Variants in IHO1 observed in about 807,000 individuals in gnomAD.
IHO1 encodes the protein interactor of HORMAD1 1, also known as interactor of HORMAD1 protein 1.
Under a neutral mutation model 31.0 loss-of-function variants are expected in IHO1, and 13 were observed. The observed-to-expected ratio is 0.42, with a 90% CI of 0.27 to 0.67. The LOEUF (loss-of-function observed/expected upper bound fraction) is 0.67, where lower values mean the gene tolerates loss of function less well. Ranked by LOEUF, IHO1 falls within the 30% of genes least tolerant of loss-of-function variation. The pLI, the probability that IHO1 is intolerant of heterozygous loss-of-function variation, is 0.24. For missense variants in IHO1, 599 were observed against 687.5 expected, an observed-to-expected ratio of 0.87 and a Z score of 1.44; for synonymous variants, 221 against 248.4, an observed-to-expected ratio of 0.89 and a Z score of 1.04.
chr3:49,212,952 A>G (rs1559439091), intron 2 of IHO1, among the ~76,000 whole-genome samples: 1 of 152,106 alleles, frequency 6.6e-6, no homozygotes, highest in Non-Finnish European at 1.5e-5. Flanking sequence ...TGATTGGTCC[A>G]TTTTACAGAG....
chr3:49,209,759 G>T (rs1404115934), intron 1 of IHO1, among the ~76,000 whole-genome samples: 1 of 151,350 alleles, frequency 6.6e-6, no homozygotes, highest in African/African-American at 2.4e-5. Context: ...CTGTCGCCCA[G>T]GCTGGAGTGC....
At chr3:49,229,576 G>A (rs2046458018) in intron 2 of IHO1, among the ~76,000 whole-genome samples, 1 of 152,216 alleles carries the variant, frequency 6.6e-6, no homozygotes, top group Non-Finnish European at 1.5e-5. Flanking sequence ...ATAAGGCAAA[G>A]CAGCTTATTG....
In IHO1 at chr3:49,247,139, G is replaced by T. The variant is rs1049155856; in HGVS notation, c.532+2406G>T. Among the ~76,000 whole-genome samples the T allele has an allele frequency of 4.6e-5, 7 of 150,976 alleles. No individual in the cohort carries two copies. The South Asian group carries it at 1.5e-3, about 32-fold the overall frequency. Reference sequence around the variant, plus strand: ...GCTGGGATTACAGGCGTGAGCTACCGCGCCTGGCAGGTTCCTTAATTTTCA... The same window carrying T: ...GCTGGGATTACAGGCGTGAGCTACCTCGCCTGGCAGGTTCCTTAATTTTCA... On this transcript the variant is annotated intron_variant, in intron 6 of 7. Transcript: ENST00000452691.
At chr3:49,196,551 C>T (rs563627578), upstream of IHO1, among the ~76,000 whole-genome samples, 4 of 151,650 alleles carry the variant, frequency 2.6e-5, no homozygotes, top group South Asian at 2.1e-4. Context: ...GGCATGACCT[C>T]GGCTCACTGC....
chr3:49,235,034 A>G (rs1302474648), intron 2 of IHO1, among the ~76,000 whole-genome samples: 1 of 151,620 alleles, frequency 6.6e-6, no homozygotes, highest in Non-Finnish European at 1.5e-5. Flanking sequence ...TTTAGTAGAG[A>G]CAGGGTTTCA....
chr3:49,218,646 C>G (rs926923326), intron 2 of IHO1, among the ~76,000 whole-genome samples: 2 of 152,228 alleles, frequency 1.3e-5, no homozygotes, highest in East Asian at 3.9e-4. Flanking sequence ...TCTCAAAGTG[C>G]TGGGATTATA....
At chr3:49,201,449 C>G (rs2046068503) in intron 1 of IHO1, among the ~76,000 whole-genome samples, 1 of 151,710 alleles carries the variant, frequency 6.6e-6, no homozygotes, top group African/African-American at 2.4e-5. Context: ...ATGGTGAAAC[C>G]CTGTCTCTAC....
chr3:49,200,343 T>A (rs187196410), intron 1 of IHO1, among the ~76,000 whole-genome samples: 149 of 151,640 alleles, frequency 9.8e-4, no homozygotes, highest in African/African-American at 3.5e-3. Context: ...CGCATGCCTG[T>A]AATCCCAGCT....
At position 49,212,679 on chromosome 3, in the gene IHO1, T is replaced by C. The variant is rs1346950365; in HGVS notation, c.56+843T>C. ...AGCGGCATGTCCAGAGTTTGTTCCTTCTGATGTTTGGATGTGTTTGGAGTT... is the reference window on the plus strand; with the variant it reads ...AGCGGCATGTCCAGAGTTTGTTCCTCCTGATGTTTGGATGTGTTTGGAGTT... On this transcript the variant is annotated intron_variant, in intron 2 of 7. Transcript: ENST00000452691. Among the ~76,000 whole-genome samples, 4 of 152,166 alleles carry C rather than the reference T, an allele frequency of 2.6e-5. No individual in the cohort carries two copies. The South Asian group carries it at 8.3e-4, about 32-fold the overall frequency.
chr3:49,221,176 A>G (rs1437006032), intron 2 of IHO1, among the ~76,000 whole-genome samples: 3 of 150,248 alleles, frequency 2.0e-5, no homozygotes, highest in Admixed American at 6.6e-5. Flanking sequence ...GCATTTTTAC[A>G]GAGTGCTGAT....
At chr3:49,208,838 G>T (rs755715050) in intron 1 of IHO1, among the ~76,000 whole-genome samples, 1 of 152,178 alleles carries the variant, frequency 6.6e-6, no homozygotes, top group Non-Finnish European at 1.5e-5. Context: ...GAGGGTACAT[G>T]GGGCTTGATC....
intron 7 of IHO1, 142 bp from the exon 8 acceptor site, chr3:49,255,992 G>A: frequency 2.8e-6 from 2 of 715,948 alleles, no homozygotes; most frequent in East Asian, 2.5e-5. Flanking sequence ...ACTCCCGAGT[G>A]TAATTGTGCT....
chr3:49,211,269 A>G (rs1333336012), intron 1 of IHO1, among the ~76,000 whole-genome samples: 2 of 151,980 alleles, frequency 1.3e-5, no homozygotes, highest in Non-Finnish European at 2.9e-5. Context: ...CGGCCTCCCA[A>G]AGTGCTGGGA....
Position 49,200,259 on chromosome 3 carries a change from G to A in IHO1, c.-16+686G>A, listed in dbSNP as rs557315037. ...GCAGGCGGATCTCCTGAGGTCAGGA[G>A]CTCGAGACCAGCCTGGCCAACATAG... On this transcript the variant is annotated intron_variant, in intron 1 of 7. Coordinates refer to ENST00000452691, the MANE Select transcript of IHO1 (RefSeq NM_001135197.2). Among the ~76,000 whole-genome samples, 4 of 152,158 alleles carry A rather than the reference G, an allele frequency of 2.6e-5. No homozygotes were observed. The East Asian group carries it at 7.7e-4, about 29-fold the overall frequency.
intron 2 of IHO1, among the ~76,000 whole-genome samples, chr3:49,226,453 G>T (rs2046418145): frequency 6.6e-6 from 1 of 152,172 alleles, no homozygotes; most frequent in South Asian, 2.1e-4. Flanking sequence ...TCCTTTCCCT[G>T]AGTTATGGTG....
At chr3:49,233,265 C>A (rs1216642700) in intron 2 of IHO1, among the ~76,000 whole-genome samples, 1 of 152,182 alleles carries the variant, frequency 6.6e-6, no homozygotes, top group Non-Finnish European at 1.5e-5. Flanking sequence ...AGTGGCACTT[C>A]ACCCTCAAAT....
At chr3:49,200,475 A>AGAAAAGAAAGAAAG in intron 1 of IHO1, 1 of 103,858 alleles carries the variant, frequency 9.6e-6, no homozygotes, top group Non-Finnish European at 1.3e-5. Flanking sequence ...AAAAAAAAAA[A>AGAAAAGAAAGAAAG]AAAGAAAGAA....
At chr3:49,215,169 G>A (rs2046273126) in intron 2 of IHO1, among the ~76,000 whole-genome samples, 1 of 151,618 alleles carries the variant, frequency 6.6e-6, no homozygotes, top group Non-Finnish European at 1.5e-5. Flanking sequence ...TCCTGCCTTA[G>A]CGCCCCCAGT....
At chr3:49,217,937 TGGGTCCAGC>T (rs1462523134) in intron 2 of IHO1, among the ~76,000 whole-genome samples, 1 of 152,214 alleles carries the variant, frequency 6.6e-6, no homozygotes, top group African/African-American at 2.4e-5. Flanking sequence ...TTCCCGGGTC[TGGGTCCAGC>T]CCATGCTGAA....
Sources: gnomAD v4.1 joint callset for allele counts (sites outside exome capture counted in the v4.1 genomes callset) on GRCh38, gnomAD v4.1.1 for gene constraint, MANE v1.5 for transcripts, NCBI Gene and HGNC (gene_info 2026-07-23, HGNC 2026-07-21) for gene names.